The following PCDHGA10 variants were observed in gnomAD, a reference collection of about 807,000 sequenced individuals.
PCDHGA10 encodes protocadherin gamma-A10.
In PCDHGA10, 42 loss-of-function variants were observed where a neutral mutation model predicts 59.5. That is an observed-to-expected ratio of 0.71 (90% CI 0.55 to 0.91). PCDHGA10 has a LOEUF of 0.91. Ranked by LOEUF, PCDHGA10 falls within the 40% of genes least tolerant of loss-of-function variation. The pLI is 0.00. For missense variants in PCDHGA10, 1,111 were observed against 1,198.2 expected, an observed-to-expected ratio of 0.93 and a Z score of 1.07; for synonymous variants, 511 against 517.2, an observed-to-expected ratio of 0.99 and a Z score of 0.16.
intron 1 of PCDHGA10, among the ~76,000 whole-genome samples, chr5:141,474,417 C>CCATT (rs1206525105): frequency 6.6e-6 from 1 of 152,222 alleles, no homozygotes; most frequent in East Asian, 1.9e-4. Context: ...GATGCCTAGA[C>CCATT]CATTGGTCCT....
chr5:141,414,788 C>T lies in PCDHGA10; in HGVS notation c.1613C>T (p.Ala538Val). 6.2e-7 allele frequency: 1 copy of T among 1,614,222 alleles called. No individual in the cohort carries two copies. Among genetic ancestry groups the T allele is most frequent in the Non-Finnish European group, 8.5e-7 (1 of 1,180,038 alleles). ...CATGAGCTACAGATGCAGGTGACAG[C>T]CAGCGACAGCGGGGATCCTCCACTC... ...QFHELQMQVT[A>V]SDSGDPPLSS... The change falls in exon 1 of 4, where the codon GCC becomes GTC. Residue 538 changes from alanine to valine, a missense_variant. Physicochemically the swap from Ala to Val is moderately conservative, Grantham distance 64. Coordinates refer to ENST00000398610, the MANE Select transcript of PCDHGA10 (RefSeq NM_018913.3).
intron 1 of PCDHGA10, among the ~76,000 whole-genome samples, chr5:141,424,923 T>C (rs1428936860): frequency 6.6e-6 from 1 of 152,186 alleles, no homozygotes; most frequent in African/African-American, 2.4e-5. Flanking sequence ...CCATAATCAA[T>C]TCAGTCAACA....
chr5:141,470,479 C>T (rs2099231547), intron 1 of PCDHGA10, among the ~76,000 whole-genome samples: 1 of 152,078 alleles, frequency 6.6e-6, no homozygotes, highest in African/African-American at 2.4e-5. Flanking sequence ...ATTACTAACC[C>T]TCTGGGAATA....
intron 1 of PCDHGA10, chr5:141,422,545 T>C: frequency 6.2e-7 from 1 of 1,614,000 alleles, no homozygotes; most frequent in Non-Finnish European, 8.5e-7. Context: ...AACTCATGTC[T>C]GGCTGAATGT....
intron 1 of PCDHGA10, among the ~76,000 whole-genome samples, chr5:141,467,288 A>G (rs1322298174): frequency 6.6e-6 from 1 of 152,084 alleles, no homozygotes; most frequent in Non-Finnish European, 1.5e-5. Context: ...CTTGACCTCA[A>G]GTGATCCACT....
Position 141,432,236 on chromosome 5 carries a change from G to A in PCDHGA10, c.2436+16625G>A, listed in dbSNP as rs752735346. On this transcript the variant is annotated intron_variant, in intron 1 of 3. Coordinates refer to ENST00000398610, the MANE Select transcript of PCDHGA10 (RefSeq NM_018913.3). This position sits in a 1 kb window ranked among gnomAD's most constrained non-coding sequence, Gnocchi z 6.0. ...CGCCCAGATCACTTATTCCCTGGCT[G>A]AGAACACCATCCAAGGGGCAAGCCT... is the stretch of plus-strand genomic sequence containing the variant. The A allele has an allele frequency of 8.7e-6, 14 of 1,614,130 alleles. No individual in the cohort carries two copies. The African/African-American group carries it at 9.3e-5, about 11-fold the overall frequency.
rs2099883887 is a variant in PCDHGA10, at chr5:141,511,641, ACC to A, written c.*469_*470del. 4.4e-6 allele frequency: 1 copy of A among 224,930 alleles called. No homozygotes were observed. Among genetic ancestry groups the A allele is most frequent in the Non-Finnish European group, 9.1e-6 (1 of 110,428 alleles). 13.9% of individuals were successfully genotyped at this position (224,930 alleles called of 1,614,324 possible). A position where few individuals can be genotyped will look rare whatever the true frequency, so the allele number is the denominator to read the frequency against. ...TCTGAAAAGTTGGAAGGGCATCATG[ACC>A]TCTTGGCCTCTCCTTTGATTCTCAA... On this transcript the variant is annotated 3_prime_UTR_variant, in exon 4 of 4. Coordinates refer to ENST00000398610, the MANE Select transcript of PCDHGA10 (RefSeq NM_018913.3).
chr5:141,425,057 C>T (rs926732426), intron 1 of PCDHGA10, among the ~76,000 whole-genome samples: 4 of 152,026 alleles, frequency 2.6e-5, no homozygotes, highest in African/African-American at 4.8e-5. Flanking sequence ...ATCTAGGGCT[C>T]GGACAAAAAT....
chr5:141,458,674 A>G (rs1315462699), intron 1 of PCDHGA10, among the ~76,000 whole-genome samples: 1 of 152,104 alleles, frequency 6.6e-6, no homozygotes, highest in East Asian at 1.9e-4. Flanking sequence ...GGTTCAAGCA[A>G]TTCTACTGCC....
intron 1 of PCDHGA10, among the ~76,000 whole-genome samples, chr5:141,473,096 G>A (rs1007912058): frequency 9.9e-5 from 15 of 152,058 alleles, no homozygotes; most frequent in African/African-American, 3.6e-4. Context: ...ACTGTGAGTT[G>A]TATTACCACA....
At chr5:141,474,041 GC>G (rs1242668125) in intron 1 of PCDHGA10, among the ~76,000 whole-genome samples, 3 of 152,140 alleles carry the variant, frequency 2.0e-5, no homozygotes. Context: ...CTGTACTCCA[GC>G]CTGGATGACA....
intron 2 of PCDHGA10, among the ~76,000 whole-genome samples, chr5:141,502,944 A>G (rs1447378539): frequency 1.4e-5 from 2 of 145,406 alleles, no homozygotes; most frequent in Non-Finnish European, 1.5e-5. Context: ...CCTGGGTTCA[A>G]GCGATTCTCC....
intron 1 of PCDHGA10, among the ~76,000 whole-genome samples, chr5:141,459,619 A>G (rs995987344): frequency 6.6e-6 from 1 of 152,238 alleles, no homozygotes; most frequent in Non-Finnish European, 1.5e-5. Context: ...TTAACTTTAT[A>G]AGAAGCTGCC....
At chr5:141,483,980 G>A (rs1379963326) in intron 1 of PCDHGA10, among the ~76,000 whole-genome samples, 4 of 148,294 alleles carry the variant, frequency 2.7e-5, no homozygotes, top group Non-Finnish European at 5.9e-5. Flanking sequence ...CAAGGGAGTA[G>A]CTAGGTTGCT....
chr5:141,418,714 T>C, intron 1 of PCDHGA10: 4 of 1,614,000 alleles, frequency 2.5e-6, no homozygotes, highest in Non-Finnish European at 3.4e-6. Flanking sequence ...TTGGTGTGGC[T>C]GACAAAGCTC....
chr5:141,476,190 C>T lies in PCDHGA10; in HGVS notation c.2437-18617C>T. On this transcript the variant is annotated intron_variant, in intron 1 of 3. Transcript: ENST00000398610. The surrounding 1 kb of genome is among the most constrained non-coding windows in gnomAD (Gnocchi z 7.6). ...GTGGGAGTTTTGCTTCTGCTTGGTG[C>T]CTTGAACAAGGCTTCCACGGTCATT... is the stretch of plus-strand genomic sequence containing the variant. 3.1e-6 allele frequency: 5 copies of T among 1,613,694 alleles called. No individual in the cohort carries two copies. The highest frequency in any genetic ancestry group is 4.2e-6 in the Non-Finnish European group (5 of 1,179,988).
chr5:141,500,043 T>A (rs1240979831), intron 2 of PCDHGA10, among the ~76,000 whole-genome samples: 1 of 152,048 alleles, frequency 6.6e-6, no homozygotes, highest in East Asian at 1.9e-4. Flanking sequence ...CTCTTAAGTA[T>A]CTTAATGCTC....
chr5:141,431,008 C>T lies in PCDHGA10; in HGVS notation c.2436+15397C>T. The T allele has an allele frequency of 6.2e-7, 1 of 1,614,118 alleles. No individual in the cohort carries two copies. The highest frequency in any genetic ancestry group is 1.1e-5 in the South Asian group (1 of 91,076). ...TCGCCCTGAATCCGCGCAGCGGCAG[C>T]TTGGTCACGGCGGGCAGGATAGACC... On this transcript the variant is annotated intron_variant, in intron 1 of 3. Transcript: ENST00000398610. This position sits in a 1 kb window ranked among gnomAD's most constrained non-coding sequence, Gnocchi z 4.8.
At chr5:141,492,659 T>C (rs2099742881) in intron 1 of PCDHGA10, among the ~76,000 whole-genome samples, 1 of 152,182 alleles carries the variant, frequency 6.6e-6, no homozygotes, top group Non-Finnish European at 1.5e-5. Context: ...GTCCGGATGG[T>C]CCCGGGACTC....
Sources: gnomAD v4.1 joint callset for allele counts (sites outside exome capture counted in the v4.1 genomes callset) on GRCh38, gnomAD v4.1.1 for gene constraint, Gnocchi (gnomAD v3.1) non-coding constraint, MANE v1.5 for transcripts, NCBI Gene and HGNC (gene_info 2026-07-23, HGNC 2026-07-21) for gene names.